The following TMEM156 variants were observed in gnomAD, a reference collection of about 807,000 sequenced individuals.
The protein encoded by TMEM156 is transmembrane protein 156.
Under a neutral mutation model 30.5 loss-of-function variants are expected in TMEM156, and 28 were observed. The observed-to-expected ratio is 0.92, with a 90% CI of 0.68 to 1.26. The LOEUF (loss-of-function observed/expected upper bound fraction) is 1.26. Among genes scored for constraint, TMEM156 ranks in the 50% most tolerant of loss-of-function variants. The pLI is 0.00. For missense variants in TMEM156, 351 were observed against 340.6 expected (o/e 1.03, Z -0.24); for synonymous variants, 137 against 119.9 (o/e 1.14, Z -0.93).
In TMEM156 at chr4:38,993,848, A is replaced by G. The variant is rs1232610210; in HGVS notation, c.509T>C (p.Ile170Thr). Residue 170 changes from isoleucine to threonine, a missense_variant, in exon 3 of 7, where the codon ATC becomes ACC. Physicochemically the swap from Ile to Thr is moderately conservative, Grantham distance 89. Transcript: ENST00000381938. ...CTCCTTGCTTGGCTCATCCTCCATG[A>G]TTGTTGATCTTCCAGTGTGGTTTTT... is the stretch of plus-strand genomic sequence containing the variant. Reference protein sequence around the residue: ...HLKNHTGRSTIMEDEPSKEKS... With the variant: ...HLKNHTGRSTTMEDEPSKEKS... 3 of 1,613,970 alleles carry G rather than the reference A, an allele frequency of 1.9e-6. No individual in the cohort carries two copies. The highest frequency in any genetic ancestry group is 2.5e-6 in the Non-Finnish European group (3 of 1,179,996).
chr4:39,021,227 A>AC (rs1336788375), intron 1 of TMEM156, among the ~76,000 whole-genome samples: 8 of 151,938 alleles, frequency 5.3e-5, no homozygotes, highest in Non-Finnish European at 8.8e-5. Flanking sequence ...ACATAGTGAG[A>AC]CCCCGTCTCT....
chr4:39,011,255 A>C (rs1714097507), intron 1 of TMEM156, among the ~76,000 whole-genome samples: 1 of 152,212 alleles, frequency 6.6e-6, no homozygotes, highest in African/African-American at 2.4e-5. Context: ...AATCACAGAC[A>C]TTCACAAGGT....
chr4:38,985,537 T>G (rs1326033935), intron 5 of TMEM156, among the ~76,000 whole-genome samples: 1 of 152,122 alleles, frequency 6.6e-6, no homozygotes, highest in South Asian at 2.1e-4. Flanking sequence ...GGACTGGAGG[T>G]TTGCTCGGCA....
chr4:39,002,289 A>G (rs1046309016), intron 1 of TMEM156, among the ~76,000 whole-genome samples: 5 of 152,208 alleles, frequency 3.3e-5, no homozygotes, highest in Non-Finnish European at 5.9e-5. Flanking sequence ...AAAAATGTTC[A>G]CCATCAATGG....
intron 3 of TMEM156, among the ~76,000 whole-genome samples, chr4:38,990,513 C>A (rs1294051257): frequency 6.6e-6 from 1 of 152,098 alleles, no homozygotes; most frequent in African/African-American, 2.4e-5. Context: ...GAAACAGAAC[C>A]AACTTCATAT....
intron 4 of TMEM156, 147 bp downstream of exon 4, chr4:38,988,704 G>T: frequency 9.2e-7 from 1 of 1,089,344 alleles, no homozygotes; most frequent in Non-Finnish European, 1.3e-6. Context: ...CTGGAACTGT[G>T]TTTTATCTAC....
intron 2 of TMEM156, among the ~76,000 whole-genome samples, chr4:38,995,126 A>G (rs1443868229): frequency 6.6e-6 from 1 of 152,020 alleles, no homozygotes. Flanking sequence ...TCATCTTCAC[A>G]TGTCAGTCTC....
intron 1 of TMEM156, among the ~76,000 whole-genome samples, chr4:39,018,087 G>A (rs1485504839): frequency 6.6e-6 from 1 of 151,876 alleles, no homozygotes; most frequent in Admixed American, 6.6e-5. Context: ...CTGTTAAATT[G>A]ATTCAGTGAT....
At chr4:38,972,067 G>A (rs1281935890) in intron 5 of TMEM156, among the ~76,000 whole-genome samples, 2 of 151,902 alleles carry the variant, frequency 1.3e-5, no homozygotes, top group African/African-American at 4.8e-5. Flanking sequence ...GGGATTACAG[G>A]TGTGAGTGAC....
At chr4:39,013,791 T>C (rs951995221) in intron 1 of TMEM156, among the ~76,000 whole-genome samples, 3 of 152,194 alleles carry the variant, frequency 2.0e-5, no homozygotes, top group Non-Finnish European at 4.4e-5. Flanking sequence ...GATATATCTG[T>C]AATGTAGATA....
chr4:39,014,185 C>A (rs1416754242), intron 1 of TMEM156, among the ~76,000 whole-genome samples: 1 of 152,058 alleles, frequency 6.6e-6, no homozygotes, highest in Non-Finnish European at 1.5e-5. Flanking sequence ...CCTGAATAAG[C>A]TATAAGTGAT....
chr4:39,012,859 G>A (rs942744574), intron 1 of TMEM156, among the ~76,000 whole-genome samples: 9 of 151,958 alleles, frequency 5.9e-5, no homozygotes, highest in African/African-American at 2.2e-4. Context: ...AGAATTGCTT[G>A]AACCAGGGAG....
intron 1 of TMEM156, among the ~76,000 whole-genome samples, chr4:39,025,262 C>T (rs1341302121): frequency 2.7e-5 from 4 of 147,322 alleles, no homozygotes; most frequent in Non-Finnish European, 4.5e-5. Context: ...GCAGAAGAAT[C>T]GCTTGAACAT....
At chr4:39,027,758 CTTTTTTTTTTTT>C (rs112766367) in intron 1 of TMEM156, among the ~76,000 whole-genome samples, 1 of 120,796 alleles carries the variant, frequency 8.3e-6, no homozygotes, top group African/African-American at 3.3e-5. Context: ...TTTTCTTTTT[CTTTTTTTTTTTT>C]TTTTGAGAAG....
chr4:38,989,825 G>A (rs1402710115), intron 3 of TMEM156, among the ~76,000 whole-genome samples: 1 of 151,832 alleles, frequency 6.6e-6, no homozygotes, highest in Non-Finnish European at 1.5e-5. Context: ...TTGAGACAGA[G>A]TTTCACTCTT....
chr4:39,022,200 T>C lies in TMEM156; in HGVS notation c.88+10026A>G, dbSNP rs146131455. On this transcript the variant is annotated intron_variant, in intron 1 of 6. Coordinates refer to ENST00000381938, the MANE Select transcript of TMEM156 (RefSeq NM_024943.3). The stretch of plus-strand genomic sequence containing the variant: ...ACGTCACAGGTAATGATTCTCAACA[T>C]CCAAGTTATGGCCAACTGTGTTTAT... Among the ~76,000 whole-genome samples, 80 of 152,348 alleles carry C rather than the reference T, an allele frequency of 5.3e-4. 2 individuals carry two copies. The East Asian group carries it at 0.011, about 21-fold the overall frequency.
At chr4:39,020,101 C>T (rs1338143101) in intron 1 of TMEM156, among the ~76,000 whole-genome samples, 2 of 152,190 alleles carry the variant, frequency 1.3e-5, no homozygotes, top group Non-Finnish European at 2.9e-5. Context: ...TAGTATCCCC[C>T]AGATTCATTC....
chr4:38,992,724 AATATATATATAATATATAATATAT>A (rs1712597765), intron 3 of TMEM156, among the ~76,000 whole-genome samples: 2 of 53,616 alleles, frequency 3.7e-5, no homozygotes, highest in South Asian at 6.5e-4. Flanking sequence ...ATATATATAT[AATATATATATAATATATAATATAT>A]TATATATATA....
intron 1 of TMEM156, among the ~76,000 whole-genome samples, chr4:39,027,900 G>T (rs183426687): frequency 2.1e-4 from 32 of 152,040 alleles, no homozygotes; most frequent in African/African-American, 7.5e-4. Context: ...AGGATGACAG[G>T]TGTGCACTGC....
Sources: gnomAD v4.1 joint callset for allele counts (sites outside exome capture counted in the v4.1 genomes callset) on GRCh38, gnomAD v4.1.1 for gene constraint, MANE v1.5 for transcripts, NCBI Gene and HGNC (gene_info 2026-07-23, HGNC 2026-07-21) for gene names.